ZNF385D: variants seen among roughly 807,000 people sequenced by gnomAD.
ZNF385D encodes the protein zinc finger protein 659.
Under a neutral mutation model 35.8 loss-of-function variants are expected in ZNF385D, and 15 were observed. The ratio of observed to expected loss-of-function variants is 0.42; its 90% CI spans 0.28 to 0.64. The LOEUF (loss-of-function observed/expected upper bound fraction) is 0.64, where lower values mean the gene tolerates loss of function less well. ZNF385D is among the 30% of genes least tolerant of loss of function. The pLI is 0.23. For missense variants in ZNF385D, 474 were observed against 494.6 expected (o/e 0.96, Z 0.39); for synonymous variants, 212 against 186.8 (o/e 1.13, Z -1.10).
At chr3:21,537,545 C>G (rs1430289926) in intron 3 of ZNF385D, among the ~76,000 whole-genome samples, 3 of 152,052 alleles carry the variant, frequency 2.0e-5, no homozygotes, top group Non-Finnish European at 4.4e-5. Context: ...AGGCAGCTAG[C>G]TCATGGGCCA....
chr3:21,499,027 G>C (rs1361430209), intron 4 of ZNF385D, among the ~76,000 whole-genome samples: 2 of 151,862 alleles, frequency 1.3e-5, no homozygotes, highest in African/African-American at 4.8e-5. Context: ...TATACTGTTG[G>C]TGGGAGTGTA....
chr3:21,812,598 C>A lies in ZNF385D; in HGVS notation c.326-147570G>T, dbSNP rs146378068. Among the ~76,000 whole-genome samples, 206 of 152,332 alleles carry A rather than the reference C, an allele frequency of 1.4e-3. 1 individual carries two copies. Among genetic ancestry groups the A allele is most frequent in the African/African-American group, 4.5e-3 (188 of 41,576 alleles). On this transcript the variant is annotated intron_variant, in intron 3 of 5. Transcript: ENST00000494108. Reference sequence around the variant, plus strand: ...CACGCCCACGGAGCCTTGCTCACTGCTAGCACAGCAGTCCGAGATCGAACT... The same window carrying A: ...CACGCCCACGGAGCCTTGCTCACTGATAGCACAGCAGTCCGAGATCGAACT...
intron 2 of ZNF385D, among the ~76,000 whole-genome samples, chr3:21,645,367 A>G (rs1428057505): frequency 3.9e-5 from 6 of 152,184 alleles, no homozygotes; most frequent in Non-Finnish European, 8.8e-5. Context: ...GGAAGTCAGA[A>G]GGCAGTTAAG....
At chr3:21,632,064 G>A (rs13071128) in intron 2 of ZNF385D, among the ~76,000 whole-genome samples, 16,437 of 152,020 alleles carry the variant, frequency 0.11, 1,032 homozygotes, top group South Asian at 0.18. Context: ...CCAAATGTGC[G>A]TCAGGCACTA....
chr3:22,172,023 G>A (rs753908739), intron 2 of ZNF385D, among the ~76,000 whole-genome samples: 1 of 152,010 alleles, frequency 6.6e-6, no homozygotes, highest in Non-Finnish European at 1.5e-5. Flanking sequence ...TTTTTAAATG[G>A]AAATTTGACA....
intron 5 of ZNF385D, among the ~76,000 whole-genome samples, chr3:21,428,174 G>A (rs1304303603): frequency 2.0e-5 from 3 of 152,076 alleles, no homozygotes; most frequent in Non-Finnish European, 4.4e-5. Flanking sequence ...GCATTTAAAT[G>A]TATGAGATAA....
At chr3:21,523,785 G>A (rs377298664) in intron 3 of ZNF385D, among the ~76,000 whole-genome samples, 1 of 144,032 alleles carries the variant, frequency 6.9e-6, no homozygotes. Flanking sequence ...TTTTTTTTTT[G>A]AAAAAAGAAA....
At chr3:22,372,278 C>T (rs1223202080) in intron 2 of ZNF385D, among the ~76,000 whole-genome samples, 4 of 152,124 alleles carry the variant, frequency 2.6e-5, no homozygotes, top group African/African-American at 7.2e-5. Flanking sequence ...GTGCGGGATA[C>T]CGAAAAGGTG....
chr3:21,768,210 A>G (rs12715020), intron 3 of ZNF385D, among the ~76,000 whole-genome samples: 85,042 of 151,976 alleles, frequency 0.56, 24,389 homozygotes, highest in East Asian at 0.78. Flanking sequence ...GGACTTTCTT[A>G]AAGATAGAGT....
chr3:21,969,640 G>A (rs921233925), intron 3 of ZNF385D, among the ~76,000 whole-genome samples: 3 of 152,166 alleles, frequency 2.0e-5, no homozygotes, highest in South Asian at 2.1e-4. Flanking sequence ...TCATCCTGAC[G>A]AGAAGGAAAC....
At chr3:21,874,942 G>C (rs553388683) in intron 3 of ZNF385D, among the ~76,000 whole-genome samples, 2 of 151,994 alleles carry the variant, frequency 1.3e-5, no homozygotes, top group South Asian at 4.2e-4. Flanking sequence ...ATAAGGCTTT[G>C]TGTTCTTAAT....
Position 22,067,981 on chromosome 3 carries a change from C to A in ZNF385D, c.325+100836G>T, listed in dbSNP as rs189101859. 5.8e-3 allele frequency among the ~76,000 whole-genome samples: 871 copies of A among 150,200 alleles called. 7 individuals carry two copies. The highest frequency in any genetic ancestry group is 5.2e-3 in the Non-Finnish European group (350 of 67,850). ...TGAGCCGAGATCACGCCACTGCACACCAGCCTGGTGAAAGAGCAAGACTCC... is the reference window on the plus strand; with the variant it reads ...TGAGCCGAGATCACGCCACTGCACAACAGCCTGGTGAAAGAGCAAGACTCC... On this transcript the variant is annotated intron_variant, in intron 3 of 5. Coordinates refer to the ZNF385D transcript ENST00000494108.
At chr3:21,913,476 T>C (rs1416718566) in intron 3 of ZNF385D, among the ~76,000 whole-genome samples, 4 of 152,242 alleles carry the variant, frequency 2.6e-5, no homozygotes, top group African/African-American at 4.8e-5. Flanking sequence ...TGAATGACTA[T>C]TAGATTCCAG....
At chr3:21,589,019 T>C (rs2063893768) in intron 2 of ZNF385D, among the ~76,000 whole-genome samples, 1 of 152,190 alleles carries the variant, frequency 6.6e-6, no homozygotes, top group South Asian at 2.1e-4. Context: ...ATTTTCCTTA[T>C]TGTGTTTGTG....
chr3:22,029,543 C>T (rs1697791155), intron 3 of ZNF385D, among the ~76,000 whole-genome samples: 1 of 152,190 alleles, frequency 6.6e-6, no homozygotes, highest in African/African-American at 2.4e-5. Flanking sequence ...AACCACATGA[C>T]CAGCTATGGA....
chr3:22,134,479 A>C (rs1002915951), intron 3 of ZNF385D: 1 of 152,166 alleles, frequency 6.6e-6, no homozygotes, highest in African/African-American at 2.4e-5. Flanking sequence ...AAGAATATGG[A>C]AGATCTAAAC....
intron 3 of ZNF385D, among the ~76,000 whole-genome samples, chr3:21,953,635 T>C (rs1178669102): frequency 6.6e-6 from 1 of 152,064 alleles, no homozygotes; most frequent in Non-Finnish European, 1.5e-5. Flanking sequence ...ACTAAACCCC[T>C]GTGTTTTCTA....
At chr3:22,135,083 C>T (rs945938246) in intron 3 of ZNF385D, among the ~76,000 whole-genome samples, 21 of 152,160 alleles carry the variant, frequency 1.4e-4, no homozygotes, top group Admixed American at 4.6e-4. Context: ...AATCTCCAAA[C>T]ACCTGATTAG....
intron 2 of ZNF385D, among the ~76,000 whole-genome samples, chr3:22,344,891 C>G (rs1695587807): frequency 6.6e-6 from 1 of 152,200 alleles, no homozygotes; most frequent in African/African-American, 2.4e-5. Context: ...ATGTGCATGA[C>G]AGTGACCTGG....
Sources: allele counts gnomAD v4.1 joint callset (sites outside exome capture counted in the v4.1 genomes callset), GRCh38; gene constraint gnomAD v4.1.1; transcripts MANE v1.5; gene names NCBI Gene and HGNC (gene_info 2026-07-23, HGNC 2026-07-21).